Variants in CNTNAP2 observed in about 807,000 individuals in gnomAD.
The protein encoded by CNTNAP2 is contactin-associated protein-like 2.
Under a neutral mutation model 155.2 loss-of-function variants are expected in CNTNAP2, and 98 were observed. That is an observed-to-expected ratio of 0.63 (90% CI 0.54 to 0.75). CNTNAP2 has a LOEUF of 0.75. Ranked by LOEUF, CNTNAP2 falls within the 30% of genes least tolerant of loss-of-function variation. CNTNAP2 has a pLI of 0.00. For missense variants in CNTNAP2, 1,727 were observed against 1,688.1 expected (o/e 1.02, Z -0.40); for synonymous variants, 651 against 631.2 (o/e 1.03, Z -0.47).
At chr7:148,161,389 T>A (rs1805535876) in intron 17 of CNTNAP2, among the ~76,000 whole-genome samples, 1 of 152,200 alleles carries the variant, frequency 6.6e-6, no homozygotes, top group South Asian at 2.1e-4. Flanking sequence ...CCTTTGTTAT[T>A]GTCTTCCTAC....
chr7:147,880,479 C>A (rs778956009), intron 13 of CNTNAP2, among the ~76,000 whole-genome samples: 1 of 151,960 alleles, frequency 6.6e-6, no homozygotes, highest in Non-Finnish European at 1.5e-5. Context: ...CTGATTTAAA[C>A]GTACAAATGA....
In CNTNAP2 at chr7:146,914,759, C is replaced by T. The variant is rs185441731; in HGVS notation, c.402+74855C>T. ...CCACTCTGTGGGTTGTCTCTTCACTCTGCTGATTATTTCTTTTGCTGTGCA... is the reference window on the plus strand; with the variant it reads ...CCACTCTGTGGGTTGTCTCTTCACTTTGCTGATTATTTCTTTTGCTGTGCA... On this transcript the variant is annotated intron_variant, in intron 3 of 23. Coordinates refer to ENST00000361727, the MANE Select transcript of CNTNAP2 (RefSeq NM_014141.6). Among the ~76,000 whole-genome samples the T allele has an allele frequency of 2.4e-3, 364 of 152,230 alleles. 1 individual carries two copies. The highest frequency in any genetic ancestry group is 7.3e-3 in the African/African-American group (302 of 41,554).
At chr7:147,412,115 C>T (rs1341553359) in intron 10 of CNTNAP2, among the ~76,000 whole-genome samples, 1 of 152,172 alleles carries the variant, frequency 6.6e-6, no homozygotes, top group African/African-American at 2.4e-5. Context: ...GTATCTAGTT[C>T]TTATTCTGAC....
chr7:146,937,363 T>A (rs376788425), intron 3 of CNTNAP2, among the ~76,000 whole-genome samples: 139 of 76,096 alleles, frequency 1.8e-3, no homozygotes, highest in East Asian at 3.8e-3. Flanking sequence ...AAAAAAAAAA[T>A]AAAAATAAAA....
intron 1 of CNTNAP2, among the ~76,000 whole-genome samples, chr7:146,770,911 G>A (rs1382360694): frequency 6.6e-6 from 1 of 152,086 alleles, no homozygotes; most frequent in Non-Finnish European, 1.5e-5. Context: ...CTTAGAAAAT[G>A]TGTCATGCAT....
chr7:147,262,532 C>T (rs539207178), intron 8 of CNTNAP2, among the ~76,000 whole-genome samples: 10 of 152,092 alleles, frequency 6.6e-5, no homozygotes, highest in Non-Finnish European at 1.5e-4. Context: ...GGGCCTGGCG[C>T]GGTGGCTCAC....
At position 148,418,105 on chromosome 7, in the gene CNTNAP2, C is replaced by T. The variant is rs1800035320; in HGVS notation, c.*2489C>T. ...GGATAAAGTATTAAGTAACTAAGTG[C>T]CAAATAAATGCTGGAAATCTTGACC... On this transcript the variant is annotated 3_prime_UTR_variant, in exon 24 of 24. Coordinates refer to ENST00000361727, the MANE Select transcript of CNTNAP2 (RefSeq NM_014141.6). 1 of 152,140 alleles carries T rather than the reference C, an allele frequency of 6.6e-6. No homozygotes were observed. Among genetic ancestry groups the T allele is most frequent in the Non-Finnish European group, 1.5e-5 (1 of 68,042 alleles). The allele number at this position is 152,140 out of a possible 1,614,324, so 9.4% of individuals were successfully genotyped here. A position where few individuals can be genotyped will look rare whatever the true frequency, so the allele number is the denominator to read the frequency against.
intron 4 of CNTNAP2, among the ~76,000 whole-genome samples, chr7:147,089,199 C>T (rs1442805148): frequency 1.3e-5 from 2 of 152,106 alleles, no homozygotes; most frequent in Non-Finnish European, 2.9e-5. Flanking sequence ...CTGTATGTTC[C>T]GTGTATGCAT....
chr7:146,378,495 T>C (rs762962382), intron 1 of CNTNAP2, among the ~76,000 whole-genome samples: 4 of 152,230 alleles, frequency 2.6e-5, no homozygotes, highest in Non-Finnish European at 5.9e-5. Context: ...CATTACCTTA[T>C]ATTATTCTTA....
intron 1 of CNTNAP2, among the ~76,000 whole-genome samples, chr7:146,467,677 G>GA (rs1796735717): frequency 6.6e-6 from 1 of 152,030 alleles, no homozygotes; most frequent in Non-Finnish European, 1.5e-5. Context: ...GAATTTCCTT[G>GA]AAAAATAACT....
chr7:146,289,511 A>T (rs1800394594), intron 1 of CNTNAP2, among the ~76,000 whole-genome samples: 2 of 152,330 alleles, frequency 1.3e-5, no homozygotes, highest in South Asian at 4.1e-4. Flanking sequence ...GAAATTATTT[A>T]AAGAGTGCTA....
At chr7:146,805,798 A>G (rs1563238589) in intron 2 of CNTNAP2, among the ~76,000 whole-genome samples, 1 of 152,348 alleles carries the variant, frequency 6.6e-6, no homozygotes, top group East Asian at 1.9e-4. Flanking sequence ...AAAAAAGTTT[A>G]TATTTATTTG....
chr7:147,090,650 TTG>T (rs1800382498), intron 4 of CNTNAP2, among the ~76,000 whole-genome samples: 1 of 152,184 alleles, frequency 6.6e-6, no homozygotes, highest in Non-Finnish European at 1.5e-5. Flanking sequence ...TTATAAATTG[TTG>T]TGTTAGATTT....
At chr7:146,157,690 G>T (rs1164120188) in intron 1 of CNTNAP2, among the ~76,000 whole-genome samples, 1 of 152,188 alleles carries the variant, frequency 6.6e-6, no homozygotes, top group East Asian at 1.9e-4. Flanking sequence ...CTGGGGGAGG[G>T]GCGTCTGCCA....
chr7:147,648,795 A>G (rs1795407272), intron 13 of CNTNAP2, among the ~76,000 whole-genome samples: 3 of 152,192 alleles, frequency 2.0e-5, no homozygotes, highest in African/African-American at 7.2e-5. Context: ...GTGTGGACAC[A>G]GCCAAACCAT....
At chr7:147,789,543 C>A (rs560848639) in intron 13 of CNTNAP2, among the ~76,000 whole-genome samples, 25 of 152,310 alleles carry the variant, frequency 1.6e-4, no homozygotes, top group African/African-American at 6.0e-4. Context: ...CAAGCTCTTA[C>A]CTTTGCCCCT....
At chr7:147,305,871 T>C (rs1795016651) in intron 9 of CNTNAP2, among the ~76,000 whole-genome samples, 1 of 152,178 alleles carries the variant, frequency 6.6e-6, no homozygotes, top group Non-Finnish European at 1.5e-5. Context: ...GGGAGGATCC[T>C]TCAACTCCTC....
At chr7:147,407,633 A>T (rs1421919711) in intron 10 of CNTNAP2, among the ~76,000 whole-genome samples, 1 of 149,514 alleles carries the variant, frequency 6.7e-6, no homozygotes, top group Non-Finnish European at 1.5e-5. Flanking sequence ...ACAGGATAGG[A>T]TCTCTTCTCC....
chr7:146,949,697 G>A (rs1797268666), intron 3 of CNTNAP2, among the ~76,000 whole-genome samples: 1 of 152,038 alleles, frequency 6.6e-6, no homozygotes, highest in African/African-American at 2.4e-5. Flanking sequence ...TTCAAGCCTC[G>A]TTTTCCTAAT....
Sources: gnomAD v4.1 joint callset for allele counts (sites outside exome capture counted in the v4.1 genomes callset) on GRCh38, gnomAD v4.1.1 for gene constraint, MANE v1.5 for transcripts, NCBI Gene and HGNC (gene_info 2026-07-23, HGNC 2026-07-21) for gene names.